The following CNTNAP4 variants were observed in gnomAD, a reference collection of about 807,000 sequenced individuals.
CNTNAP4 encodes contactin associated protein family member 4, also known as contactin-associated protein-like 4.
Under a neutral mutation model 148.4 loss-of-function variants are expected in CNTNAP4, and 98 were observed. That is an observed-to-expected ratio of 0.66 (90% CI 0.56 to 0.78). The LOEUF (loss-of-function observed/expected upper bound fraction) is 0.78. Among genes scored for constraint, CNTNAP4 ranks in the 30% least tolerant of loss-of-function variants. The pLI, the probability that CNTNAP4 is intolerant of heterozygous loss-of-function variation, is 0.00. For synonymous variants in CNTNAP4, 730 were observed against 565.1 expected, an observed-to-expected ratio of 1.29 and a Z score of -4.14; for missense variants, 1,935 against 1,565.6, an observed-to-expected ratio of 1.24 and a Z score of -3.98.
At chr16:76,541,782 G>C (rs2084466711) in intron 21 of CNTNAP4, among the ~76,000 whole-genome samples, 1 of 152,174 alleles carries the variant, frequency 6.6e-6, no homozygotes, top group South Asian at 2.1e-4. Flanking sequence ...TGAGCACCAA[G>C]ATTATGTGTT....
In CNTNAP4 at chr16:76,277,576, G is replaced by A. The variant is rs1958522755; in HGVS notation, c.-87G>A. 1.3e-5 allele frequency: 11 copies of A among 868,700 alleles called. No homozygotes were observed. In the East Asian group the frequency reaches 2.9e-4, roughly 23 times the overall value. 53.8% of individuals were successfully genotyped at this position (868,700 alleles called of 1,614,324 possible). On this transcript the variant is annotated 5_prime_UTR_variant, in exon 1 of 24. Transcript: ENST00000611870. The stretch of plus-strand genomic sequence containing the variant: ...GAGACCTAGAGGGGCTGAAGACCCA[G>A]ACAGAGCTGGCAGAGCTACTGAGAA...
intron 15 of CNTNAP4, among the ~76,000 whole-genome samples, chr16:76,503,622 G>T (rs1199976315): frequency 6.6e-6 from 1 of 152,052 alleles, no homozygotes; most frequent in Non-Finnish European, 1.5e-5. Flanking sequence ...TTGGTGTGCT[G>T]CACCCATTAA....
intron 2 of CNTNAP4, among the ~76,000 whole-genome samples, chr16:76,341,891 A>G (rs1469895321): frequency 6.6e-6 from 1 of 152,194 alleles, no homozygotes; most frequent in East Asian, 1.9e-4. Context: ...GGAAGTTTAG[A>G]AAAAAACCCA....
At chr16:76,363,394 T>C (rs1180331768) in intron 3 of CNTNAP4, among the ~76,000 whole-genome samples, 1 of 152,060 alleles carries the variant, frequency 6.6e-6, no homozygotes, top group African/African-American at 2.4e-5. Flanking sequence ...ACTCCCTACC[T>C]TAGGCAATCC....
At chr16:76,435,396 A>G (rs1363742332) in intron 4 of CNTNAP4, among the ~76,000 whole-genome samples, 2 of 152,120 alleles carry the variant, frequency 1.3e-5, no homozygotes, top group East Asian at 3.9e-4. Flanking sequence ...TCTGCTGTCC[A>G]TTACAGTAGC....
intron 2 of CNTNAP4, among the ~76,000 whole-genome samples, chr16:76,325,760 A>C (rs1447977283): frequency 6.6e-6 from 1 of 152,156 alleles, no homozygotes; most frequent in Non-Finnish European, 1.5e-5. Context: ...AAGCAAAAGG[A>C]AGGAAAAAAC....
intron 1 of CNTNAP4, among the ~76,000 whole-genome samples, chr16:76,283,954 T>A (rs116797843): frequency 1.5e-4 from 23 of 152,178 alleles, no homozygotes; most frequent in African/African-American, 5.5e-4. Context: ...AACATTGTTA[T>A]GTGCATGTTC....
At chr16:76,471,400 GCAGAGACCCCTGA>G (rs894925329) in intron 10 of CNTNAP4, among the ~76,000 whole-genome samples, 3 of 152,338 alleles carry the variant, frequency 2.0e-5, no homozygotes, top group African/African-American at 7.2e-5. Context: ...CACTGGGGCT[GCAGAGACCCCTGA>G]CAGGAACTAA....
Position 76,524,954 on chromosome 16 carries a change from G to A in CNTNAP4, c.2755+2697G>A, listed in dbSNP as rs561120762. 2.3e-4 allele frequency among the ~76,000 whole-genome samples: 35 copies of A among 152,066 alleles called. No homozygotes were observed. The South Asian group carries it at 5.0e-3, about 22-fold the overall frequency. On this transcript the variant is annotated intron_variant, in intron 17 of 23. Coordinates refer to ENST00000611870, the MANE Select transcript of CNTNAP4 (RefSeq NM_033401.5). ...ACATGATTTAGTGTGGTGATACTAAGGGAAGGGCTCATAAAAAAGAAAAAA... is the reference window on the plus strand; with the variant it reads ...ACATGATTTAGTGTGGTGATACTAAAGGAAGGGCTCATAAAAAAGAAAAAA...
At chr16:76,321,623 A>C (rs558121981) in intron 2 of CNTNAP4, among the ~76,000 whole-genome samples, 234 of 151,928 alleles carry the variant, frequency 1.5e-3, no homozygotes, top group African/African-American at 5.5e-3. Context: ...CCCCATCTCT[A>C]CTAAAAATAC....
At chr16:76,454,620 C>T (rs913474599) in intron 8 of CNTNAP4, among the ~76,000 whole-genome samples, 4 of 151,908 alleles carry the variant, frequency 2.6e-5, no homozygotes, top group African/African-American at 4.8e-5. Flanking sequence ...TTATTTTTTG[C>T]TAGTTCCCGT....
intron 3 of CNTNAP4, among the ~76,000 whole-genome samples, chr16:76,395,089 GA>G (rs1309252145): frequency 6.6e-6 from 1 of 152,132 alleles, no homozygotes; most frequent in Non-Finnish European, 1.5e-5. Context: ...GGCAAAACGT[GA>G]CTCTCCCAAT....
intron 10 of CNTNAP4, among the ~76,000 whole-genome samples, chr16:76,468,624 G>T (rs1471989529): frequency 1.3e-5 from 2 of 152,112 alleles, no homozygotes; most frequent in African/African-American, 4.8e-5. Flanking sequence ...CACTGGGACT[G>T]CAGGCACACA....
intron 3 of CNTNAP4, among the ~76,000 whole-genome samples, chr16:76,380,566 G>A (rs6564325): frequency 0.16 from 24,717 of 152,070 alleles, 2,593 homozygotes; most frequent in East Asian, 0.45. Context: ...AGATTCAAGC[G>A]AAGTGTAACA....
intron 3 of CNTNAP4, among the ~76,000 whole-genome samples, chr16:76,390,599 T>G (rs769351124): frequency 7.2e-5 from 11 of 152,040 alleles, no homozygotes; most frequent in Non-Finnish European, 1.6e-4. Context: ...CCCTGCTTGT[T>G]TTAAGCAGGC....
chr16:76,384,510 C>G (rs1388534656), intron 3 of CNTNAP4, among the ~76,000 whole-genome samples: 1 of 152,132 alleles, frequency 6.6e-6, no homozygotes, highest in African/African-American at 2.4e-5. Context: ...TCAGCCAGCT[C>G]TGATAAAGTG....
intron 4 of CNTNAP4, among the ~76,000 whole-genome samples, chr16:76,447,457 A>G (rs1301517654): frequency 6.6e-6 from 1 of 152,070 alleles, no homozygotes; most frequent in Non-Finnish European, 1.5e-5. Flanking sequence ...AATCAACCCC[A>G]TGTGTCAATA....
chr16:76,342,537 A>G (rs190566934), intron 2 of CNTNAP4, among the ~76,000 whole-genome samples: 148 of 136,904 alleles, frequency 1.1e-3, no homozygotes, highest in Non-Finnish European at 1.7e-3. Flanking sequence ...CAGTGGTGCA[A>G]TCTCGGCTCA....
Position 76,305,549 on chromosome 16 carries a change from A to G in CNTNAP4, c.86-10864A>G, listed in dbSNP as rs149990701. ...TTGAATTTAAGGCTCTAAATTCCCC[A>G]TCCTTAATTTAGCTATTACTGAGAA... On this transcript the variant is annotated intron_variant, in intron 1 of 23. Coordinates refer to ENST00000611870, the MANE Select transcript of CNTNAP4 (RefSeq NM_033401.5). Among the ~76,000 whole-genome samples the G allele has an allele frequency of 3.4e-3, 525 of 152,262 alleles. 1 individual carries two copies. The highest frequency in any genetic ancestry group is 0.012 in the African/African-American group (479 of 41,558).
Sources: gnomAD v4.1 joint callset for allele counts (sites outside exome capture counted in the v4.1 genomes callset) on GRCh38, gnomAD v4.1.1 for gene constraint, MANE v1.5 for transcripts, NCBI Gene and HGNC (gene_info 2026-07-23, HGNC 2026-07-21) for gene names.